HUNK: variants seen among roughly 807,000 people sequenced by gnomAD.
HUNK encodes hormonally up-regulated Neu-associated kinase.
A neutral mutation model predicts 61.0 loss-of-function variants in HUNK; 21 were observed. The observed-to-expected ratio is 0.34, with a 90% confidence interval of 0.24 to 0.50. The LOEUF (loss-of-function observed/expected upper bound fraction) is 0.50. Among genes scored for constraint, HUNK ranks in the 20% least tolerant of loss-of-function variants. HUNK has a pLI of 0.98. For missense variants in HUNK, 772 were observed against 945.7 expected (o/e 0.82, Z 2.41); for synonymous variants, 371 against 386.1 (o/e 0.96, Z 0.46).
At chr21:31,913,600 G>A (rs1171407397) in intron 1 of HUNK, among the ~76,000 whole-genome samples, 1 of 151,962 alleles carries the variant, frequency 6.6e-6, no homozygotes, top group Non-Finnish European at 1.5e-5. Context: ...TGACAGGCTC[G>A]GAGGCCCACA....
At chr21:31,991,539 C>T (rs1158856003) in intron 9 of HUNK, among the ~76,000 whole-genome samples, 1 of 152,180 alleles carries the variant, frequency 6.6e-6, no homozygotes, top group Non-Finnish European at 1.5e-5. Flanking sequence ...TTTTTATCCA[C>T]TCACTTGTAG....
intron 1 of HUNK, among the ~76,000 whole-genome samples, chr21:31,887,561 C>A (rs1211888248): frequency 1.3e-5 from 2 of 149,748 alleles, no homozygotes; most frequent in African/African-American, 4.9e-5. Context: ...TTATGTCCAA[C>A]CCCAAGGCTT....
intron 1 of HUNK, among the ~76,000 whole-genome samples, chr21:31,901,498 G>A (rs998537010): frequency 2.0e-5 from 3 of 152,190 alleles, no homozygotes; most frequent in African/African-American, 7.2e-5. Context: ...TGAGCAGGCA[G>A]CCTGTGTCAC....
At chr21:31,920,289 G>T (rs1298980875) in intron 1 of HUNK, among the ~76,000 whole-genome samples, 1 of 152,204 alleles carries the variant, frequency 6.6e-6, no homozygotes, top group African/African-American at 2.4e-5. Flanking sequence ...AATAACTTCT[G>T]CAAAGACCCT....
chr21:31,885,272 TG>T (rs771011701), intron 1 of HUNK, among the ~76,000 whole-genome samples: 1 of 152,244 alleles, frequency 6.6e-6, no homozygotes, highest in African/African-American at 2.4e-5. Context: ...AGTACATTAA[TG>T]CGTGTGTGTG....
chr21:31,994,902 C>T (rs1369798519), intron 9 of HUNK, among the ~76,000 whole-genome samples: 1 of 152,154 alleles, frequency 6.6e-6, no homozygotes, highest in Non-Finnish European at 1.5e-5. Context: ...ATCTATAGTC[C>T]CAGCATTTTG....
intron 3 of HUNK, 83 bp downstream of exon 3, chr21:31,940,303 C>T: frequency 1.3e-6 from 1 of 795,396 alleles, no homozygotes; most frequent in South Asian, 1.6e-5. Context: ...TATCCATGGT[C>T]TATCTCTAAT....
intron 2 of HUNK, among the ~76,000 whole-genome samples, chr21:31,929,442 G>A (rs774646884): frequency 4.1e-4 from 63 of 151,858 alleles, no homozygotes; most frequent in Non-Finnish European, 8.1e-4. Flanking sequence ...AAAATATAAC[G>A]AGTTGTTTTT....
intron 5 of HUNK, among the ~76,000 whole-genome samples, chr21:31,962,593 T>C (rs1332211521): frequency 6.6e-6 from 1 of 152,258 alleles, no homozygotes; most frequent in African/African-American, 2.4e-5. Context: ...CAGCTTTGCC[T>C]TGGCCTTAAG....
At chr21:31,937,590 A>G (rs2052740935) in intron 2 of HUNK, among the ~76,000 whole-genome samples, 1 of 152,266 alleles carries the variant, frequency 6.6e-6, no homozygotes, top group Non-Finnish European at 1.5e-5. Flanking sequence ...CAAGGACTCA[A>G]AAAGTCATCC....
chr21:31,875,651 G>C (rs1386093588), intron 1 of HUNK, among the ~76,000 whole-genome samples: 1 of 152,204 alleles, frequency 6.6e-6, no homozygotes, highest in East Asian at 1.9e-4. Flanking sequence ...ATTAGAGTGA[G>C]CTCTCTTCTC....
In HUNK at chr21:32,000,244, C is replaced by G; in HGVS notation, c.*1060C>G. ...TTTCAAGCTGCCCACAGAACTGGTG[C>G]GGCTCAGAGCTCGGCGAGTTTGCTG... is the stretch of plus-strand genomic sequence containing the variant. On this transcript the variant is annotated 3_prime_UTR_variant, in exon 11 of 11. Coordinates refer to ENST00000270112, the MANE Select transcript of HUNK (RefSeq NM_014586.2). The G allele has an allele frequency of 2.5e-6, 1 of 399,106 alleles. No individual in the cohort carries two copies. The highest frequency in any genetic ancestry group is 4.4e-6 in the Non-Finnish European group (1 of 226,104). The allele number at this position is 399,106 out of a possible 1,614,324, so 24.7% of individuals were successfully genotyped here. A position where few individuals can be genotyped will look rare whatever the true frequency, so the allele number is the denominator to read the frequency against.
intron 7 of HUNK, among the ~76,000 whole-genome samples, chr21:31,977,671 C>CT (rs1247638405): frequency 6.6e-6 from 1 of 152,160 alleles, no homozygotes; most frequent in Non-Finnish European, 1.5e-5. Context: ...TTATCTGAAG[C>CT]TTTTTTGTCT....
chr21:31,980,762 T>C (rs1255954589), intron 7 of HUNK, among the ~76,000 whole-genome samples: 3 of 151,764 alleles, frequency 2.0e-5, no homozygotes, highest in Non-Finnish European at 2.9e-5. Context: ...TGGAGTGCAA[T>C]GGCGAGATCT....
chr21:31,937,267 G>A (rs2052738731), intron 2 of HUNK, among the ~76,000 whole-genome samples: 1 of 152,146 alleles, frequency 6.6e-6, no homozygotes. Flanking sequence ...AGTTAGAGAA[G>A]ACACATAAAC....
intron 1 of HUNK, among the ~76,000 whole-genome samples, chr21:31,914,722 C>T (rs1335697613): frequency 2.7e-5 from 4 of 150,570 alleles, no homozygotes; most frequent in African/African-American, 9.7e-5. Flanking sequence ...CCTCACATGA[C>T]CTTTCTGTGC....
chr21:31,982,086 C>G (rs932229276), intron 7 of HUNK, among the ~76,000 whole-genome samples: 1 of 152,062 alleles, frequency 6.6e-6, no homozygotes, highest in East Asian at 1.9e-4. Flanking sequence ...TGCCTAAGTG[C>G]TCTGGCTAGG....
At chr21:31,971,041 G>T (rs1346929021) in intron 6 of HUNK, among the ~76,000 whole-genome samples, 5 of 150,572 alleles carry the variant, frequency 3.3e-5, no homozygotes, top group African/African-American at 1.2e-4. Context: ...TGGTTTTTAA[G>T]CGTGGAACCA....
intron 2 of HUNK, among the ~76,000 whole-genome samples, chr21:31,938,584 G>A (rs578114467): frequency 7.2e-5 from 11 of 152,296 alleles, no homozygotes; most frequent in African/African-American, 1.7e-4. Flanking sequence ...ATCAGTTGCC[G>A]TTTTTGTTTT....
Sources: gnomAD v4.1 joint callset for allele counts (sites outside exome capture counted in the v4.1 genomes callset) on GRCh38, gnomAD v4.1.1 for gene constraint, MANE v1.5 for transcripts, NCBI Gene and HGNC (gene_info 2026-07-23, HGNC 2026-07-21) for gene names.